Variants in TENM2 observed in about 807,000 individuals in gnomAD.
The protein encoded by TENM2 is teneurin transmembrane protein 2, also known as teneurin-2.
In TENM2, 52 loss-of-function variants were observed where a neutral mutation model predicts 245.2. That is an observed-to-expected ratio of 0.21 (90% CI 0.17 to 0.27). The LOEUF (loss-of-function observed/expected upper bound fraction) is 0.27, where lower values mean the gene tolerates loss of function less well. Ranked by LOEUF, TENM2 falls within the 10% of genes least tolerant of loss-of-function variation. The pLI, the probability that TENM2 is intolerant of heterozygous loss-of-function variation, is 1.00. For missense variants in TENM2, 3,046 were observed against 3,666.8 expected (o/e 0.83, Z 4.37); for synonymous variants, 1,363 against 1,438.9 (o/e 0.95, Z 1.19).
chr5:167,610,166 G>A (rs1230637135), intron 2 of TENM2, among the ~76,000 whole-genome samples: 4 of 152,102 alleles, frequency 2.6e-5, no homozygotes, highest in African/African-American at 9.7e-5. Flanking sequence ...CCAGGCAGAA[G>A]AGAAGCATAG....
At chr5:167,682,879 C>T (rs752210544) in intron 2 of TENM2, among the ~76,000 whole-genome samples, 1 of 152,132 alleles carries the variant, frequency 6.6e-6, no homozygotes, top group Non-Finnish European at 1.5e-5. Flanking sequence ...TCATAGTTTA[C>T]ATTACACAGA....
intron 2 of TENM2, among the ~76,000 whole-genome samples, chr5:167,445,330 T>TAGAG (rs1275688569): frequency 2.1e-3 from 104 of 49,198 alleles, no homozygotes; most frequent in African/African-American, 2.7e-3. Flanking sequence ...TATATATATA[T>TAGAG]ATATATAGAG....
At chr5:167,836,818 G>C (rs1339291480) in intron 2 of TENM2, among the ~76,000 whole-genome samples, 1 of 152,104 alleles carries the variant, frequency 6.6e-6, no homozygotes, top group African/African-American at 2.4e-5. Flanking sequence ...TGCTTTAGTA[G>C]TTTTGTAGTT....
intron 12 of TENM2, among the ~76,000 whole-genome samples, chr5:168,138,243 T>C (rs751613993): frequency 7.2e-5 from 11 of 152,218 alleles, no homozygotes; most frequent in Non-Finnish European, 5.9e-5. Flanking sequence ...GCTATGTGTC[T>C]TCAATAAGCC....
chr5:167,656,382 G>GGTCCCTGAGGT (rs1464989410), intron 2 of TENM2, among the ~76,000 whole-genome samples: 2 of 152,132 alleles, frequency 1.3e-5, no homozygotes, highest in African/African-American at 4.8e-5. Flanking sequence ...CCTGTTTGCA[G>GGTCCCTGAGGT]GTCCCTGAGG....
rs952327180 is a variant in TENM2 at position 168,129,837 on chromosome 5, G to A, written c.2422+2871G>A. The A allele has an allele frequency of 2.0e-5, 3 of 152,134 alleles. No homozygotes were observed. The South Asian group carries it at 6.2e-4, about 32-fold the overall frequency. The allele number at this position is 152,134 out of a possible 1,614,324, so 9.4% of individuals were successfully genotyped here. A position where few individuals can be genotyped will look rare whatever the true frequency, so the allele number is the denominator to read the frequency against. On this transcript the variant is annotated intron_variant, in intron 12 of 28. Transcript: ENST00000518659. ...GACAGAGAGGAAATGGGGGCTCTTT[G>A]GTCCTTTCCAAGCACAGCCTCAAAT...
chr5:168,192,738 C>T (rs571328852), intron 14 of TENM2, among the ~76,000 whole-genome samples: 1 of 152,252 alleles, frequency 6.6e-6, no homozygotes, highest in African/African-American at 2.4e-5. Flanking sequence ...AGTATGCTTC[C>T]TTTTAATTAT....
intron 2 of TENM2, among the ~76,000 whole-genome samples, chr5:167,707,110 C>T (rs1269066344): frequency 2.0e-5 from 3 of 150,754 alleles, no homozygotes; most frequent in Non-Finnish European, 4.4e-5. Context: ...CATCCTAACA[C>T]ATGGTAGGTG....
intron 2 of TENM2, among the ~76,000 whole-genome samples, chr5:167,797,061 A>G (rs1306187389): frequency 6.6e-6 from 1 of 152,158 alleles, no homozygotes; most frequent in Non-Finnish European, 1.5e-5. Flanking sequence ...CAGATAAGTT[A>G]TTAATGGTAA....
chr5:167,101,713 A>G, the TENM2 span, among the ~76,000 whole-genome samples: 3 of 151,268 alleles, frequency 2.0e-5, no homozygotes, highest in Non-Finnish European at 4.4e-5. Context: ...GGCCACATGT[A>G]GAGGCCATGT....
chr5:167,041,802 C>A, the TENM2 span, among the ~76,000 whole-genome samples: 5 of 152,266 alleles, frequency 3.3e-5, no homozygotes, highest in South Asian at 2.1e-4. Flanking sequence ...AAACCTCCCC[C>A]CTCCAAAAGG....
chr5:167,144,290 G>A, the TENM2 span, among the ~76,000 whole-genome samples: 1 of 152,176 alleles, frequency 6.6e-6, no homozygotes, highest in African/African-American at 2.4e-5. Context: ...TCACGGATCT[G>A]AGGAGGAAAG....
chr5:167,155,028 G>A, the TENM2 span, among the ~76,000 whole-genome samples: 1 of 152,180 alleles, frequency 6.6e-6, no homozygotes, highest in East Asian at 1.9e-4. Flanking sequence ...TGATGGTAAA[G>A]TTTTGTCATA....
At chr5:167,543,563 A>C (rs1177626233) in intron 2 of TENM2, among the ~76,000 whole-genome samples, 1 of 152,180 alleles carries the variant, frequency 6.6e-6, no homozygotes, top group Non-Finnish European at 1.5e-5. Context: ...TCTTTGCAAA[A>C]ACAATGCCTA....
At chr5:167,482,303 G>A (rs114308346) in intron 2 of TENM2, among the ~76,000 whole-genome samples, 1,732 of 152,218 alleles carry the variant, frequency 0.011, 17 homozygotes, top group Non-Finnish European at 0.014. Context: ...TTGAGAAGTA[G>A]TTTCCCATAT....
intron 2 of TENM2, among the ~76,000 whole-genome samples, chr5:167,839,286 G>A (rs542360380): frequency 3.9e-5 from 6 of 152,150 alleles, no homozygotes; most frequent in African/African-American, 7.2e-5. Context: ...TCTTTGCCCC[G>A]AAGGCAACTG....
chr5:167,822,239 A>T (rs757776229), intron 2 of TENM2, among the ~76,000 whole-genome samples: 3 of 152,072 alleles, frequency 2.0e-5, no homozygotes, highest in Non-Finnish European at 4.4e-5. Flanking sequence ...AAAAATGATT[A>T]TAGAGGGTTA....
At chr5:167,208,142 A>T in the TENM2 span, among the ~76,000 whole-genome samples, 1 of 152,140 alleles carries the variant, frequency 6.6e-6, no homozygotes, top group Admixed American at 6.5e-5. Flanking sequence ...TACGTGAGAG[A>T]TGTGAATTCT....
At chr5:168,253,513 C>T (rs1380689806) in intron 27 of TENM2, among the ~76,000 whole-genome samples, 1 of 151,354 alleles carries the variant, frequency 6.6e-6, no homozygotes, top group East Asian at 1.9e-4. Context: ...GCAAGCTCCG[C>T]CTCACGGGTT....
Sources: allele counts gnomAD v4.1 joint callset (sites outside exome capture counted in the v4.1 genomes callset), GRCh38; gene constraint gnomAD v4.1.1; transcripts MANE v1.5; gene names NCBI Gene and HGNC (gene_info 2026-07-23, HGNC 2026-07-21).